The following TFB2M variants were observed in gnomAD, a reference collection of about 807,000 sequenced individuals.
TFB2M encodes transcription factor B2, mitochondrial, also known as dimethyladenosine transferase 2, mitochondrial.
In TFB2M, 44 loss-of-function variants were observed where a neutral mutation model predicts 41.3. The observed-to-expected ratio is 1.07, with a 90% confidence interval of 0.84 to 1.37. The LOEUF (loss-of-function observed/expected upper bound fraction) is 1.37. TFB2M is among the 40% of genes most tolerant of loss of function. The pLI is 0.00. For missense variants in TFB2M, 496 were observed against 490.2 expected, an observed-to-expected ratio of 1.01 and a Z score of -0.11; for synonymous variants, 188 against 176.8, an observed-to-expected ratio of 1.06 and a Z score of -0.50.
At position 246,548,492 on chromosome 1, in the gene TFB2M, T is replaced by TA. The variant is rs1434709761; in HGVS notation, c.858+52dup. On this transcript the variant is annotated intron_variant, in intron 6 of 7. Transcript: ENST00000366514. Reference sequence around the variant, plus strand: ...ACCAAATAGTCCTAAAAAAATAAAATAAAAAATACGTCACGTAGGGAGAAA... The same window carrying TA: ...ACCAAATAGTCCTAAAAAAATAAAATAAAAAAATACGTCACGTAGGGAGAAA... 12 of 1,489,270 alleles carry TA rather than the reference T, an allele frequency of 8.1e-6. No homozygotes were observed. The East Asian group carries it at 1.6e-4, about 20-fold the overall frequency. 92.3% of individuals were successfully genotyped at this position (1,489,270 alleles called of 1,614,324 possible).
At chr1:246,554,088 C>T (rs1371114324) in intron 4 of TFB2M, among the ~76,000 whole-genome samples, 1 of 152,108 alleles carries the variant, frequency 6.6e-6, no homozygotes, top group Non-Finnish European at 1.5e-5. Flanking sequence ...CATTTAATGG[C>T]AGTAAAGAAC....
intron 2 of TFB2M, among the ~76,000 whole-genome samples, chr1:246,559,935 G>T (rs1659414348): frequency 6.6e-6 from 1 of 152,184 alleles, no homozygotes. Context: ...GAAGCTAAAA[G>T]AAAGAGTACC....
In TFB2M at chr1:246,566,183, A is replaced by C. The variant is rs1659667584; in HGVS notation, c.-45T>G. ...GCTCCAAGAATCACCTAGTGCAGCT[A>C]CTACAGTGAACCCCACGCAGGGTAT... is the stretch of plus-strand genomic sequence containing the variant. On this transcript the variant is annotated 5_prime_UTR_variant, in exon 1 of 8. Coordinates refer to ENST00000366514, the MANE Select transcript of TFB2M (RefSeq NM_022366.3). The C allele has an allele frequency of 6.4e-7, 1 of 1,561,672 alleles. No individual in the cohort carries two copies. Among genetic ancestry groups the C allele is most frequent in the African/African-American group, 1.4e-5 (1 of 73,342 alleles).
chr1:246,541,885 C>T (rs568405660), intron 7 of TFB2M, among the ~76,000 whole-genome samples: 8 of 152,218 alleles, frequency 5.3e-5, no homozygotes, highest in African/African-American at 1.7e-4. Context: ...ATTATAAAGC[C>T]GCAAACTTCC....
chr1:246,544,371 A>T, intron 7 of TFB2M, 150 bp downstream of exon 7: 1 of 689,260 alleles, frequency 1.5e-6, no homozygotes, highest in South Asian at 2.0e-5. Context: ...CTCAAAATGT[A>T]CACCAGGGAG....
intron 6 of TFB2M, 138 bp from the exon 7 acceptor site, chr1:246,544,819 T>C: frequency 1.4e-6 from 1 of 716,154 alleles, no homozygotes; most frequent in African/African-American, 1.9e-5. Context: ...TCTTTTTCTT[T>C]CTTGGAGATA....
rs753669113 is a variant in TFB2M at position 246,557,515 on chromosome 1, T to C, written c.422A>G (p.Asp141Gly). The C allele has an allele frequency of 4.4e-6, 7 of 1,606,876 alleles. No homozygotes were observed. The highest frequency in any genetic ancestry group is 4.5e-5 in the East Asian group (2 of 44,654). Residue 141 changes from aspartate (D) to glycine (G), a missense_variant, in exon 3 of 8, where the codon GAT becomes GGT. Transcript: ENST00000366514. ...ACAGTGAATCACTCGTAGTTTTCCA[T>C]CCAGATTTTTTCCTAAGGACTAAAG... ...PHLESLGKNLDGKLRVIHCDF... is the reference protein window; with the variant it reads ...PHLESLGKNLGGKLRVIHCDF...
intron 2 of TFB2M, among the ~76,000 whole-genome samples, chr1:246,561,962 T>C (rs10924779): frequency 0.33 from 49,568 of 152,074 alleles, 10,078 homozygotes; most frequent in Non-Finnish European, 0.45. Context: ...AAACTACAGA[T>C]GACTATGTTT....
Position 246,566,035 on chromosome 1 carries a change from T to C in TFB2M, c.104A>G (p.His35Arg), listed in dbSNP as rs560877512. The C allele has an allele frequency of 3.1e-6, 5 of 1,614,088 alleles. No individual in the cohort carries two copies. In the East Asian group the frequency reaches 8.9e-5, roughly 29 times the overall value. ...ILGSEAATRK[H>R]LPARNHCGLS... ...CCCACAGTGGTTCCTCGCCGGCAAA[T>C]GCTTTCGCGTCGCCGCTTCAGACCC... The change falls in exon 1 of 8, where the codon CAT (histidine) becomes CGT (arginine). Residue 35 changes from histidine to arginine, a missense_variant. Transcript: ENST00000366514.
At chr1:246,555,911 C>T (rs1659310129) in intron 4 of TFB2M, among the ~76,000 whole-genome samples, 2 of 152,212 alleles carry the variant, frequency 1.3e-5, no homozygotes, top group South Asian at 4.1e-4. Context: ...CTGTTTTAGC[C>T]TCCCAAGTAG....
Position 246,540,890 on chromosome 1 carries a change from G to A in TFB2M, c.*141C>T. 1 of 699,146 alleles carries A rather than the reference G, an allele frequency of 1.4e-6. No homozygotes were observed. Among genetic ancestry groups the A allele is most frequent in the Non-Finnish European group, 2.3e-6 (1 of 431,896 alleles). The allele number at this position is 699,146 out of a possible 1,614,324, so 43.3% of individuals were successfully genotyped here. A position where few individuals can be genotyped will look rare whatever the true frequency, so the allele number is the denominator to read the frequency against. ...TTCATCCAATAAGCCAATGATATCAGCTTAGGAGAAATGATCTGCCTGGCT... is the reference window on the plus strand; with the variant it reads ...TTCATCCAATAAGCCAATGATATCAACTTAGGAGAAATGATCTGCCTGGCT... On this transcript the variant is annotated 3_prime_UTR_variant, in exon 8 of 8. Coordinates refer to ENST00000366514, the MANE Select transcript of TFB2M (RefSeq NM_022366.3).
At position 246,566,229 on chromosome 1, in the gene TFB2M, G is replaced by A; in HGVS notation, c.-91C>T. 1.1e-5 allele frequency: 15 copies of A among 1,360,906 alleles called. No individual in the cohort carries two copies. Among genetic ancestry groups the A allele is most frequent in the Middle Eastern group, 2.7e-4 (1 of 3,724 alleles). 84.3% of individuals were successfully genotyped at this position (1,360,906 alleles called of 1,614,324 possible). The stretch of plus-strand genomic sequence containing the variant: ...GGTATCCCACGTGGAACATTTTCTG[G>A]CGTCCGGGCCAGGTCAAGCGGAAGT... On this transcript the variant is annotated 5_prime_UTR_variant, in exon 1 of 8. Coordinates refer to ENST00000366514, the MANE Select transcript of TFB2M (RefSeq NM_022366.3).
In TFB2M at chr1:246,559,023, T is replaced by C. The variant is rs150137881; in HGVS notation, c.403-1489A>G. Reference sequence around the variant, plus strand: ...TAATATTTATTAAGGTTGGAAATGATGTAACTTAAAGTTATTAATGCAAAC... The same window carrying C: ...TAATATTTATTAAGGTTGGAAATGACGTAACTTAAAGTTATTAATGCAAAC... On this transcript the variant is annotated intron_variant, in intron 2 of 7. Transcript: ENST00000366514. 7.8e-3 allele frequency among the ~76,000 whole-genome samples: 1,185 copies of C among 152,334 alleles called. 18 individuals carry two copies. The highest frequency in any genetic ancestry group is 0.027 in the African/African-American group (1,111 of 41,578).
At chr1:246,546,231 A>T (rs1364000941) in intron 6 of TFB2M, among the ~76,000 whole-genome samples, 1 of 151,094 alleles carries the variant, frequency 6.6e-6, no homozygotes, top group Non-Finnish European at 1.5e-5. Context: ...GGATCACTTG[A>T]GTCCCGGGAG....
At chr1:246,556,991 C>T (rs992730324) in intron 3 of TFB2M, among the ~76,000 whole-genome samples, 3 of 151,904 alleles carry the variant, frequency 2.0e-5, no homozygotes, top group Admixed American at 6.6e-5. Context: ...TACACAAATT[C>T]GGCGGGGTAC....
In TFB2M at chr1:246,565,280, G is replaced by A. The variant is rs886208213; in HGVS notation, c.313+546C>T. On this transcript the variant is annotated intron_variant, in intron 1 of 7. Coordinates refer to ENST00000366514, the MANE Select transcript of TFB2M (RefSeq NM_022366.3). ...GGCAGAGGCTTGCAACTCTTTTGGG[G>A]AGATAAGATCTAAGAGCATGTTTTA... Among the ~76,000 whole-genome samples the A allele has an allele frequency of 3.9e-5, 6 of 152,190 alleles. No individual in the cohort carries two copies. In the East Asian group the frequency reaches 1.2e-3, roughly 29 times the overall value.
chr1:246,557,602 A>C (rs1659358364), intron 2 of TFB2M, 68 bp from the exon 3 acceptor site: 1 of 1,258,272 alleles, frequency 7.9e-7, no homozygotes, highest in Non-Finnish European at 1.1e-6. Flanking sequence ...CAATTCAAAA[A>C]ACTCTACTTC....
chr1:246,541,333 G>A lies in TFB2M; in HGVS notation c.1020-131C>T, dbSNP rs116838506. On this transcript the variant is annotated intron_variant, in intron 7 of 7. Coordinates refer to ENST00000366514, the MANE Select transcript of TFB2M (RefSeq NM_022366.3). ...GCATACAGAGTGCTATAATGGACAC[G>A]GGAGAATCAGCAGGGAAGAGGATGG... 1.2e-3 allele frequency: 980 copies of A among 800,660 alleles called. 2 individuals are homozygous for A. The highest frequency in any genetic ancestry group is 1.7e-3 in the Non-Finnish European group (867 of 519,320). 49.6% of individuals were successfully genotyped at this position (800,660 alleles called of 1,614,324 possible).
At chr1:246,559,079 C>T (rs1429719957) in intron 2 of TFB2M, among the ~76,000 whole-genome samples, 1 of 152,090 alleles carries the variant, frequency 6.6e-6, no homozygotes, top group Non-Finnish European at 1.5e-5. Context: ...TTGTATTCAA[C>T]CTATATTATC....
Sources: allele counts gnomAD v4.1 joint callset (sites outside exome capture counted in the v4.1 genomes callset), GRCh38; gene constraint gnomAD v4.1.1; transcripts MANE v1.5; gene names NCBI Gene and HGNC (gene_info 2026-07-23, HGNC 2026-07-21).